ADARB2: variants seen among roughly 807,000 people sequenced by gnomAD.
ADARB2 encodes the protein inactive double-stranded RNA-specific editase B2.
ADARB2 carries 25 observed loss-of-function variants against 62.2 expected under a neutral mutation model. That is an observed-to-expected ratio of 0.40 (90% confidence interval 0.29 to 0.56). The LOEUF is 0.56. Among genes scored for constraint, ADARB2 ranks in the 20% least tolerant of loss-of-function variants. The pLI, the probability that ADARB2 is intolerant of heterozygous loss-of-function variation, is 0.43. For synonymous variants in ADARB2, 572 were observed against 500.8 expected, an observed-to-expected ratio of 1.14 and a Z score of -1.90; for missense variants, 1,071 against 1,077.4, an observed-to-expected ratio of 0.99 and a Z score of 0.08.
intron 1 of ADARB2, among the ~76,000 whole-genome samples, chr10:1,405,739 A>G (rs747447870): frequency 1.3e-5 from 2 of 152,100 alleles, no homozygotes; most frequent in African/African-American, 2.4e-5. Flanking sequence ...GTGCACCAAG[A>G]TACACCCATT....
intron 1 of ADARB2, among the ~76,000 whole-genome samples, chr10:1,723,509 GAC>G (rs1184074429): frequency 7.2e-5 from 11 of 152,346 alleles, no homozygotes; most frequent in East Asian, 1.9e-4. Flanking sequence ...AGGAGATAGA[GAC>G]ACAGTTTAGT....
chr10:1,209,517 A>T (rs1252612528), intron 7 of ADARB2, among the ~76,000 whole-genome samples: 1 of 116,024 alleles, frequency 8.6e-6, no homozygotes, highest in South Asian at 3.3e-4. Flanking sequence ...ACTGTCACCC[A>T]TGCCCACACC....
chr10:1,358,935 TCTC>T (rs1564267935), intron 3 of ADARB2, among the ~76,000 whole-genome samples: 1 of 152,276 alleles, frequency 6.6e-6, no homozygotes, highest in African/African-American at 2.4e-5. Flanking sequence ...TTTACTTTAT[TCTC>T]CTTTCTAAAT....
At chr10:1,242,353 C>A in intron 4 of ADARB2, 54 bp from the exon 5 acceptor site, 6 of 1,492,954 alleles carry the variant, frequency 4.0e-6, no homozygotes, top group Non-Finnish European at 5.4e-6. Context: ...CGTCTCCCTC[C>A]TCCTCGGTCT....
At chr10:1,194,602 T>G (rs1836884845) in intron 8 of ADARB2, among the ~76,000 whole-genome samples, 1 of 152,266 alleles carries the variant, frequency 6.6e-6, no homozygotes, top group Admixed American at 6.5e-5. Context: ...CTGCCTTCTG[T>G]GCTGCATTCT....
At chr10:1,206,928 C>A (rs1018193978) in intron 7 of ADARB2, among the ~76,000 whole-genome samples, 8 of 152,304 alleles carry the variant, frequency 5.3e-5, no homozygotes, top group Admixed American at 5.2e-4. Flanking sequence ...TGGCCGAGGT[C>A]GGTGGTGCTG....
chr10:1,463,665 C>T (rs758547049), intron 1 of ADARB2, among the ~76,000 whole-genome samples: 87 of 152,290 alleles, frequency 5.7e-4, no homozygotes, highest in Non-Finnish European at 9.6e-4. Flanking sequence ...CTGGCACAAG[C>T]GTAGCTTAAG....
intron 1 of ADARB2, among the ~76,000 whole-genome samples, chr10:1,389,372 A>G (rs973548198): frequency 3.9e-5 from 6 of 152,252 alleles, no homozygotes; most frequent in Non-Finnish European, 5.9e-5. Context: ...TTGGGATGAT[A>G]TATTTACAAT....
At chr10:1,247,259 A>G (rs936382792) in intron 4 of ADARB2, among the ~76,000 whole-genome samples, 1 of 152,206 alleles carries the variant, frequency 6.6e-6, no homozygotes. Context: ...TAGATATACA[A>G]TCATGTCATC....
intron 1 of ADARB2, among the ~76,000 whole-genome samples, chr10:1,624,619 GAT>G (rs1274720572): frequency 2.0e-5 from 3 of 152,080 alleles, no homozygotes; most frequent in Non-Finnish European, 2.9e-5. Context: ...AACATTGATG[GAT>G]ATGTTTTTAA....
At chr10:1,466,340 C>T (rs796128872) in intron 1 of ADARB2, among the ~76,000 whole-genome samples, 10 of 152,358 alleles carry the variant, frequency 6.6e-5, no homozygotes, top group African/African-American at 2.4e-4. Context: ...AAAGACGGTG[C>T]TTCTCCTCCC....
intron 1 of ADARB2, among the ~76,000 whole-genome samples, chr10:1,427,532 A>G (rs1832902741): frequency 6.6e-6 from 1 of 152,256 alleles, no homozygotes; most frequent in Non-Finnish European, 1.5e-5. Context: ...AGATGTTACC[A>G]TATACCTGGC....
rs71376899 is a variant in ADARB2 at position 1,234,737 on chromosome 10, C to CTTTTTT, written c.1362-898_1362-893dup. Among the ~76,000 whole-genome samples, 65 of 53,636 alleles carry CTTTTTT rather than the reference C, an allele frequency of 1.2e-3. 3 individuals are homozygous for CTTTTTT. The highest frequency in any genetic ancestry group is 1.8e-3 in the African/African-American group (25 of 13,976). 35.2% of individuals were successfully genotyped at this position (53,636 alleles called of 152,430 possible). A position where few individuals can be genotyped will look rare whatever the true frequency, so the allele number is the denominator to read the frequency against. ...GATTACAGGTGCGAGCGACCATGAT[C>CTTTTTT]TTTTTTTTTTTTTTTTTTTTTTTTT... is the stretch of plus-strand genomic sequence containing the variant. On this transcript the variant is annotated intron_variant, in intron 5 of 9. Coordinates refer to ENST00000381312, the MANE Select transcript of ADARB2 (RefSeq NM_018702.4).
intron 1 of ADARB2, among the ~76,000 whole-genome samples, chr10:1,529,637 T>TA (rs997400920): frequency 6.6e-6 from 1 of 152,130 alleles, no homozygotes; most frequent in Non-Finnish European, 1.5e-5. Flanking sequence ...CTCCCCCATT[T>TA]AAAAAATAGC....
At chr10:1,444,570 C>A (rs1830944500) in intron 1 of ADARB2, among the ~76,000 whole-genome samples, 1 of 150,972 alleles carries the variant, frequency 6.6e-6, no homozygotes, top group South Asian at 2.1e-4. Flanking sequence ...CATCCATCCA[C>A]CCACCACTCT....
At chr10:1,667,434 C>G (rs552979316) in intron 1 of ADARB2, among the ~76,000 whole-genome samples, 2 of 152,172 alleles carry the variant, frequency 1.3e-5, no homozygotes, top group African/African-American at 4.8e-5. Flanking sequence ...AAATGGGGTT[C>G]TCTGTAAATA....
intron 1 of ADARB2, among the ~76,000 whole-genome samples, chr10:1,524,596 C>T (rs888845695): frequency 1.3e-5 from 2 of 152,186 alleles, no homozygotes; most frequent in African/African-American, 4.8e-5. Flanking sequence ...CTTTCTATTG[C>T]CTTTTTGTTT....
At chr10:1,256,761 A>G (rs1371173659) in intron 4 of ADARB2, among the ~76,000 whole-genome samples, 7 of 152,232 alleles carry the variant, frequency 4.6e-5, no homozygotes, top group Admixed American at 1.3e-4. Context: ...AGGTAGAATG[A>G]CAACAAACGC....
Position 1,704,193 on chromosome 10 carries a change from G to A in ADARB2, c.100+32858C>T, listed in dbSNP as rs1834859222. Among the ~76,000 whole-genome samples, 1 of 152,172 alleles carries A rather than the reference G, an allele frequency of 6.6e-6. No individual in the cohort carries two copies. Among genetic ancestry groups the A allele is most frequent in the South Asian group, 2.1e-4 (1 of 4,816 alleles). On this transcript the variant is annotated intron_variant, in intron 1 of 9. Coordinates refer to ENST00000381312, the MANE Select transcript of ADARB2 (RefSeq NM_018702.4). The surrounding 1 kb of genome is among the most constrained non-coding windows in gnomAD (Gnocchi z 5.6). The stretch of plus-strand genomic sequence containing the variant: ...TGGAAGACAATTTTTCCATGGACTG[G>A]GGGCTGCAGGGATGGTTTCAGGATG...
Sources: gnomAD v4.1 joint callset for allele counts (sites outside exome capture counted in the v4.1 genomes callset) on GRCh38, gnomAD v4.1.1 for gene constraint, Gnocchi (gnomAD v3.1) non-coding constraint, MANE v1.5 for transcripts, NCBI Gene and HGNC (gene_info 2026-07-23, HGNC 2026-07-21) for gene names.